SATB2: variants seen among roughly 807,000 people sequenced by gnomAD.
The protein encoded by SATB2 is DNA-binding protein SATB2.
A neutral mutation model predicts 73.4 loss-of-function variants in SATB2; 1 was observed. That is an observed-to-expected ratio of 0.01 (90% confidence interval 0.00 to 0.06). The LOEUF (loss-of-function observed/expected upper bound fraction) is 0.06, where lower values mean the gene tolerates loss of function less well. Ranked by LOEUF, SATB2 falls within the 10% of genes least tolerant of loss-of-function variation. SATB2 has a pLI of 1.00. For missense variants in SATB2, 459 were observed against 945.8 expected (o/e 0.49, Z 6.75); for synonymous variants, 397 against 367.0 (o/e 1.08, Z -0.93).
chr2:199,407,502 G>A (rs1376952314), intron 3 of SATB2, among the ~76,000 whole-genome samples: 1 of 152,074 alleles, frequency 6.6e-6, no homozygotes, highest in Non-Finnish European at 1.5e-5. Flanking sequence ...CAGCCCAGGA[G>A]ATCTAAGATA....
chr2:199,394,747 A>C (rs969880884), intron 3 of SATB2, among the ~76,000 whole-genome samples: 2 of 152,172 alleles, frequency 1.3e-5, no homozygotes, highest in Admixed American at 6.5e-5. Flanking sequence ...AAATAAATAA[A>C]TATAGACAAA....
At chr2:199,443,881 A>AGTCCC (rs1441784447) in intron 2 of SATB2, among the ~76,000 whole-genome samples, 1 of 152,210 alleles carries the variant, frequency 6.6e-6, no homozygotes, top group East Asian at 1.9e-4. Context: ...TGTATTCTCC[A>AGTCCC]GTCCCCTTAG....
At chr2:199,406,167 T>C (rs1328279666) in intron 3 of SATB2, among the ~76,000 whole-genome samples, 4 of 152,136 alleles carry the variant, frequency 2.6e-5, no homozygotes, top group Non-Finnish European at 1.5e-5. Flanking sequence ...CCTTGATATG[T>C]TGATATTCAA....
intron 2 of SATB2, among the ~76,000 whole-genome samples, chr2:199,446,764 T>C (rs935298087): frequency 2.0e-5 from 3 of 152,202 alleles, no homozygotes; most frequent in Non-Finnish European, 2.9e-5. Flanking sequence ...AAAAGCTTTT[T>C]TGGGGCTGTT....
chr2:199,352,552 T>C (rs1688850114), intron 6 of SATB2, among the ~76,000 whole-genome samples: 1 of 152,204 alleles, frequency 6.6e-6, no homozygotes, highest in African/African-American at 2.4e-5. Context: ...TATGGAAGTA[T>C]CTTGTAAAGA....
At chr2:199,324,574 G>A (rs138475999) in intron 8 of SATB2, among the ~76,000 whole-genome samples, 13 of 152,150 alleles carry the variant, frequency 8.5e-5, no homozygotes, top group South Asian at 6.2e-4. Flanking sequence ...TTGATGTGCC[G>A]TTTTCATTTT....
chr2:199,278,630 AC>A (rs1185973362), intron 10 of SATB2, among the ~76,000 whole-genome samples: 1 of 152,186 alleles, frequency 6.6e-6, no homozygotes, highest in Non-Finnish European at 1.5e-5. Flanking sequence ...ATATACTAAG[AC>A]CTGAAAACTG....
Position 199,339,768 on chromosome 2 carries a change from A to T in SATB2, c.1173+8933T>A, listed in dbSNP as rs373868533. On this transcript the variant is annotated intron_variant, in intron 7 of 10. Transcript: ENST00000417098. ...TTTTCTAGAAATATAAACTGTATGT[A>T]TGATTAAATTGTGCCAACCTTTGGC... is the stretch of plus-strand genomic sequence containing the variant. Among the ~76,000 whole-genome samples, 9 of 152,344 alleles carry T rather than the reference A, an allele frequency of 5.9e-5. No homozygotes were observed. In the South Asian group the frequency reaches 8.3e-4, roughly 14 times the overall value.
chr2:199,312,845 A>C (rs1236266842), intron 9 of SATB2, among the ~76,000 whole-genome samples: 1 of 152,182 alleles, frequency 6.6e-6, no homozygotes, highest in Non-Finnish European at 1.5e-5. Flanking sequence ...AAAATGCATA[A>C]CCTCAGTCGA....
intron 7 of SATB2, chr2:199,347,561 T>C (rs755781418): frequency 1.7e-4 from 26 of 152,188 alleles, no homozygotes; most frequent in Non-Finnish European, 2.4e-4. Flanking sequence ...CATTATCTTT[T>C]TCCTCTTTGC....
At chr2:199,354,251 G>A (rs1688907513) in intron 6 of SATB2, among the ~76,000 whole-genome samples, 1 of 152,162 alleles carries the variant, frequency 6.6e-6, no homozygotes, top group African/African-American at 2.4e-5. Flanking sequence ...AACTACTTAG[G>A]AGGCTGAGGC....
intron 6 of SATB2, among the ~76,000 whole-genome samples, chr2:199,368,335 GT>G (rs1427670493): frequency 6.6e-6 from 1 of 152,116 alleles, no homozygotes; most frequent in Non-Finnish European, 1.5e-5. Flanking sequence ...CAGCTTTTAA[GT>G]TTCCATTCTA....
At chr2:199,339,520 T>C (rs544383791) in intron 7 of SATB2, among the ~76,000 whole-genome samples, 2 of 152,310 alleles carry the variant, frequency 1.3e-5, no homozygotes, top group South Asian at 4.1e-4. Flanking sequence ...CGGCATTTCA[T>C]ATTTACAGCT....
intron 9 of SATB2, among the ~76,000 whole-genome samples, chr2:199,312,771 C>A (rs900126279): frequency 6.6e-6 from 1 of 152,126 alleles, no homozygotes; most frequent in Non-Finnish European, 1.5e-5. Flanking sequence ...TATACTGACA[C>A]CACGAATGCT....
rs150551124 is a variant in SATB2, at chr2:199,336,075, TTTTG to T, written c.1174-7169_1174-7166del. Among the ~76,000 whole-genome samples the T allele has an allele frequency of 1.0e-3, 153 of 152,288 alleles. 1 individual carries two copies. In the East Asian group the frequency reaches 0.017, roughly 17 times the overall value. On this transcript the variant is annotated intron_variant, in intron 7 of 10. Transcript: ENST00000417098. ...TCAGATTCCTGGCAACTTTAATGTT[TTTTG>T]TTTGTTTGTTTGTTTTTGCATACTT...
intron 10 of SATB2, among the ~76,000 whole-genome samples, chr2:199,292,279 G>A (rs1391195088): frequency 1.3e-5 from 2 of 152,184 alleles, no homozygotes; most frequent in Non-Finnish European, 2.9e-5. Flanking sequence ...AAATGCTATT[G>A]ATGGCTTTCA....
chr2:199,281,860 C>A (rs764201445), intron 10 of SATB2, among the ~76,000 whole-genome samples: 3 of 150,498 alleles, frequency 2.0e-5, no homozygotes, highest in African/African-American at 7.3e-5. Context: ...TGTTCTGTGG[C>A]GCTGCATTCC....
chr2:199,391,784 T>G (rs953698495), intron 3 of SATB2, among the ~76,000 whole-genome samples: 1 of 152,120 alleles, frequency 6.6e-6, no homozygotes, highest in Non-Finnish European at 1.5e-5. Flanking sequence ...TGATAAATAA[T>G]GACAATGGCC....
intron 5 of SATB2, among the ~76,000 whole-genome samples, chr2:199,372,884 A>T (rs550665652): frequency 1.7e-4 from 26 of 152,252 alleles, no homozygotes; most frequent in Non-Finnish European, 2.8e-4. Flanking sequence ...AATAGGAAAA[A>T]GCAAAATAAT....
Sources: gnomAD v4.1 joint callset for allele counts (sites outside exome capture counted in the v4.1 genomes callset) on GRCh38, gnomAD v4.1.1 for gene constraint, MANE v1.5 for transcripts, NCBI Gene and HGNC (gene_info 2026-07-23, HGNC 2026-07-21) for gene names.